XIRP2: variants seen among roughly 807,000 people sequenced by gnomAD.
The protein encoded by XIRP2 is xin actin-binding repeat-containing protein 2.
XIRP2 carries 236 observed loss-of-function variants against 277.0 expected under a neutral mutation model. That is an observed-to-expected ratio of 0.85 (90% CI 0.77 to 0.95). The LOEUF is 0.95. Among genes scored for constraint, XIRP2 ranks in the 40% least tolerant of loss-of-function variants. The probability of loss-of-function intolerance (pLI) is 0.00; values close to 1 mark genes in which losing one functional copy is unlikely to be tolerated. For missense variants in XIRP2, 4,640 were observed against 4,157.5 expected, an observed-to-expected ratio of 1.12 and a Z score of -3.19; for synonymous variants, 1,490 against 1,416.5, an observed-to-expected ratio of 1.05 and a Z score of -1.17.
At chr2:167,185,022 T>C (rs1254747849) in intron 3 of XIRP2, among the ~76,000 whole-genome samples, 1 of 152,188 alleles carries the variant, frequency 6.6e-6, no homozygotes, top group Non-Finnish European at 1.5e-5. Flanking sequence ...CTTGCTTTCA[T>C]AGTGGTTTCA....
intron 2 of XIRP2, among the ~76,000 whole-genome samples, chr2:166,913,961 AG>A (rs1684789264): frequency 6.6e-6 from 1 of 152,226 alleles, no homozygotes; most frequent in South Asian, 2.1e-4. Flanking sequence ...GAATAACAAA[AG>A]TCTCCCAAAG....
intron 4 of XIRP2, among the ~76,000 whole-genome samples, chr2:167,212,197 A>C (rs1694066187): frequency 6.6e-6 from 1 of 152,232 alleles, no homozygotes; most frequent in Non-Finnish European, 1.5e-5. Flanking sequence ...GATCACTTCC[A>C]AAATAAACAG....
At chr2:166,968,986 T>C (rs1015302784) in intron 2 of XIRP2, among the ~76,000 whole-genome samples, 2 of 151,976 alleles carry the variant, frequency 1.3e-5, no homozygotes, top group African/African-American at 4.8e-5. Flanking sequence ...CAGAAAAGCC[T>C]GAGGCCAATG....
At chr2:166,940,920 C>G (rs1484355042) in intron 2 of XIRP2, among the ~76,000 whole-genome samples, 1 of 152,198 alleles carries the variant, frequency 6.6e-6, no homozygotes, top group Non-Finnish European at 1.5e-5. Flanking sequence ...GGCAGTCTGT[C>G]TGATCTCAGA....
chr2:167,176,916 C>T (rs1214615689), intron 3 of XIRP2, among the ~76,000 whole-genome samples: 1 of 152,154 alleles, frequency 6.6e-6, no homozygotes, highest in East Asian at 1.9e-4. Context: ...TGTCTGTCTG[C>T]TCCTCTGTCC....
intron 5 of XIRP2, among the ~76,000 whole-genome samples, chr2:167,236,371 G>T (rs528830527): frequency 1.3e-5 from 2 of 152,138 alleles, no homozygotes; most frequent in South Asian, 2.1e-4. Flanking sequence ...GAATAGGCAG[G>T]ATACGAACTG....
intron 2 of XIRP2, among the ~76,000 whole-genome samples, chr2:167,115,797 A>G (rs185705500): frequency 4.3e-4 from 66 of 152,356 alleles, no homozygotes; most frequent in African/African-American, 1.6e-3. Flanking sequence ...GCCTGCCCAC[A>G]GAGTTCAGAC....
In XIRP2 at chr2:167,196,036, C is replaced by T. The variant is rs544741759; in HGVS notation, c.563-14699C>T. ...TGCTACTTTTGCTCCCATTCCCAGG[C>T]TGCTGTGTGTGTGTGTAAAGAGAGA... On this transcript the variant is annotated intron_variant, in intron 3 of 10. Transcript: ENST00000409195. Among the ~76,000 whole-genome samples, 8 of 152,288 alleles carry T rather than the reference C, an allele frequency of 5.3e-5. No homozygotes were observed. In the South Asian group the frequency reaches 1.7e-3, roughly 32 times the overall value.
intron 5 of XIRP2, among the ~76,000 whole-genome samples, chr2:167,228,688 T>C (rs1269458950): frequency 6.6e-6 from 1 of 152,178 alleles, no homozygotes; most frequent in African/African-American, 2.4e-5. Context: ...TATCCATTAG[T>C]AAGACTGAGT....
chr2:167,166,334 T>A (rs185517078), intron 3 of XIRP2, among the ~76,000 whole-genome samples: 7 of 152,212 alleles, frequency 4.6e-5, no homozygotes, highest in Non-Finnish European at 1.0e-4. Context: ...ATTGCATAAT[T>A]TCTATTCTTT....
Position 167,251,486 on chromosome 2 carries a change from A to T in XIRP2, c.10094A>T (p.Gln3365Leu), listed in dbSNP as rs1695501465. 1 of 1,613,360 alleles carries T rather than the reference A, an allele frequency of 6.2e-7. No individual in the cohort carries two copies. Among genetic ancestry groups the T allele is most frequent in the Middle Eastern group, 1.7e-4 (1 of 6,050 alleles). The change falls in exon 9 of 11, where the codon CAA (glutamine) becomes CTA (leucine). Residue 3365 changes from glutamine (Q) to leucine (L), a missense_variant. Transcript: ENST00000409195. ...YAKGETNHNI[Q>L]QESRTFCKEE... ...AAGGGAGAAACAAACCATAACATAC[A>T]ACAAGAAAGTCGTACATTTTGTAAG...
chr2:166,946,716 A>T (rs1685876660), intron 2 of XIRP2, among the ~76,000 whole-genome samples: 1 of 152,162 alleles, frequency 6.6e-6, no homozygotes, highest in Non-Finnish European at 1.5e-5. Context: ...TAAACATTAA[A>T]GAAATACAAA....
intron 2 of XIRP2, among the ~76,000 whole-genome samples, chr2:167,000,010 C>G (rs1687322969): frequency 6.6e-6 from 1 of 152,112 alleles, no homozygotes; most frequent in Non-Finnish European, 1.5e-5. Context: ...AAGTAGGCAA[C>G]TATGTTGCAA....
At chr2:167,088,283 T>C (rs1399561970) in intron 2 of XIRP2, among the ~76,000 whole-genome samples, 1 of 152,120 alleles carries the variant, frequency 6.6e-6, no homozygotes, top group Non-Finnish European at 1.5e-5. Context: ...TCTTTTATCC[T>C]AGCCACCTCT....
chr2:167,236,585 C>T (rs959080632), intron 5 of XIRP2, among the ~76,000 whole-genome samples: 3 of 151,926 alleles, frequency 2.0e-5, no homozygotes, highest in African/African-American at 7.2e-5. Flanking sequence ...CCTTTAATGC[C>T]TCATGAGATG....
At chr2:166,941,652 A>G (rs1240495885) in intron 2 of XIRP2, among the ~76,000 whole-genome samples, 1 of 152,220 alleles carries the variant, frequency 6.6e-6, no homozygotes, top group African/African-American at 2.4e-5. Flanking sequence ...ATATTATAAT[A>G]TTTTAATGAT....
chr2:167,046,831 A>G lies in XIRP2; in HGVS notation c.409-89078A>G, dbSNP rs1417737874. Among the ~76,000 whole-genome samples, 12 of 152,050 alleles carry G rather than the reference A, an allele frequency of 7.9e-5. No individual in the cohort carries two copies. The East Asian group carries it at 2.1e-3, about 27-fold the overall frequency. The stretch of plus-strand genomic sequence containing the variant: ...AAAACTACCTCTTAGTGCTGAGCTC[A>G]CTACCTGGGTGACAAAATCATTTGT... On this transcript the variant is annotated intron_variant, in intron 2 of 10. Coordinates refer to ENST00000409195, the MANE Select transcript of XIRP2 (RefSeq NM_152381.6).
intron 2 of XIRP2, among the ~76,000 whole-genome samples, chr2:167,104,461 C>T (rs1483090099): frequency 6.6e-6 from 1 of 152,052 alleles, no homozygotes; most frequent in African/African-American, 2.4e-5. Context: ...TAATTTTCCA[C>T]TTCTAACACA....
chr2:167,194,062 A>G (rs1693429099), intron 3 of XIRP2, among the ~76,000 whole-genome samples: 1 of 151,658 alleles, frequency 6.6e-6, no homozygotes, highest in Non-Finnish European at 1.5e-5. Context: ...CATTGTTGAT[A>G]CCATCTTTCC....
Sources: gnomAD v4.1 joint callset for allele counts (sites outside exome capture counted in the v4.1 genomes callset) on GRCh38, gnomAD v4.1.1 for gene constraint, MANE v1.5 for transcripts, NCBI Gene and HGNC (gene_info 2026-07-23, HGNC 2026-07-21) for gene names.